The following RNFT2 variants were observed in gnomAD, a reference collection of about 807,000 sequenced individuals.
RNFT2 encodes ring finger protein, transmembrane 2, also known as E3 ubiquitin-protein ligase RNFT2.
A neutral mutation model predicts 53.0 loss-of-function variants in RNFT2; 36 were observed. That is an observed-to-expected ratio of 0.68 (90% CI 0.52 to 0.90). The LOEUF (loss-of-function observed/expected upper bound fraction) is 0.90. Ranked by LOEUF, RNFT2 falls within the 40% of genes least tolerant of loss-of-function variation. RNFT2 has a pLI of 0.00. For missense variants in RNFT2, 514 were observed against 585.6 expected, an observed-to-expected ratio of 0.88 and a Z score of 1.26; for synonymous variants, 260 against 253.2, an observed-to-expected ratio of 1.03 and a Z score of -0.26.
rs1477815246 is a variant in RNFT2 at position 116,834,028 on chromosome 12, T to C, written c.1032+87T>C. ...CAGGGGGCTCCTGGGCAACCTAGAATACCCATGCTGATTTATTTATTTATT... is the reference window on the plus strand; with the variant it reads ...CAGGGGGCTCCTGGGCAACCTAGAACACCCATGCTGATTTATTTATTTATT... On this transcript the variant is annotated intron_variant, in intron 8 of 10. Transcript: ENST00000257575. 3 of 1,173,830 alleles carry C rather than the reference T, an allele frequency of 2.6e-6. No homozygotes were observed. In the African/African-American group the frequency reaches 4.8e-5, roughly 19 times the overall value. The allele number at this position is 1,173,830 out of a possible 1,614,324, so 72.7% of individuals were successfully genotyped here.
intron 6 of RNFT2, among the ~76,000 whole-genome samples, chr12:116,773,756 G>T (rs1403154952): frequency 6.6e-6 from 1 of 152,176 alleles, no homozygotes; most frequent in Non-Finnish European, 1.5e-5. Context: ...GTAAGTCCCA[G>T]ACTTAGAGAT....
At chr12:116,774,272 C>T (rs774946976) in intron 6 of RNFT2, among the ~76,000 whole-genome samples, 2 of 151,964 alleles carry the variant, frequency 1.3e-5, no homozygotes, top group Non-Finnish European at 2.9e-5. Context: ...GAACTGTGCG[C>T]GTAAAAATGG....
Position 116,766,861 on chromosome 12 carries a change from G to A in RNFT2, c.675G>A (p.Ala225=), listed in dbSNP as rs113021396. 0.026 allele frequency: 40,928 copies of A among 1,598,100 alleles called. 638 individuals are homozygous for A. Among genetic ancestry groups the A allele is most frequent in the South Asian group, 0.034 (3,029 of 87,966 alleles). The part of the protein sequence containing the change: ...LVILWILAFL[A]GNTLYVLYTF... ...TCTTGTGGATCCTGGCCTTTCTGGC[G>A]GGGAACACCCTCTATGTGCTTTATA... Residue 225 remains alanine (A), a synonymous_variant, in exon 6 of 11, where the codon GCG becomes GCA. Coordinates refer to ENST00000257575, the MANE Select transcript of RNFT2 (RefSeq NM_001382266.1).
At chr12:116,816,123 C>T (rs1470837814) in intron 7 of RNFT2, among the ~76,000 whole-genome samples, 1 of 152,200 alleles carries the variant, frequency 6.6e-6, no homozygotes, top group East Asian at 1.9e-4. Context: ...AAGAGAACGC[C>T]TTTTCGTAGC....
intron 10 of RNFT2, among the ~76,000 whole-genome samples, chr12:116,841,910 T>C (rs1374370096): frequency 2.9e-4 from 11 of 38,172 alleles, no homozygotes; most frequent in Admixed American, 5.1e-4. Context: ...TATATATAAA[T>C]ATATATATAA....
chr12:116,758,672 G>A (rs1872589312), intron 5 of RNFT2, among the ~76,000 whole-genome samples: 1 of 152,172 alleles, frequency 6.6e-6, no homozygotes, highest in Admixed American at 6.5e-5. Flanking sequence ...TGTTTGAGGA[G>A]GCTGAAGATA....
intron 10 of RNFT2, among the ~76,000 whole-genome samples, chr12:116,847,263 G>C (rs1466424460): frequency 6.6e-6 from 1 of 152,064 alleles, no homozygotes; most frequent in Non-Finnish European, 1.5e-5. Context: ...TACATATTCA[G>C]ATGTCTCCAG....
chr12:116,769,893 G>A (rs1053900589), intron 6 of RNFT2, among the ~76,000 whole-genome samples: 16 of 152,096 alleles, frequency 1.1e-4, no homozygotes, highest in Non-Finnish European at 5.9e-5. Flanking sequence ...AAATTAGCCA[G>A]GTGTGGTGGC....
At chr12:116,804,572 C>G (rs1874956154) in intron 7 of RNFT2, among the ~76,000 whole-genome samples, 1 of 152,188 alleles carries the variant, frequency 6.6e-6, no homozygotes, top group African/African-American at 2.4e-5. Flanking sequence ...ATGATCATCT[C>G]ACTACATATG....
Position 116,766,816 on chromosome 12 carries a change from GAAGAGGTCAGT to G in RNFT2, c.631_641del (p.Lys211AlafsTer44). On this transcript the variant is annotated frameshift_variant, in exon 6 of 11. Coordinates refer to ENST00000257575, the MANE Select transcript of RNFT2 (RefSeq NM_001382266.1). LOFTEE classifies it high-confidence loss of function. ...CATATCTCTTGCTTTGTCTTCAGGA[GAAGAGGTCAGT>G]GCTGGTCATCTTGTGGATCCTGGCC... is the stretch of plus-strand genomic sequence containing the variant. The G allele has an allele frequency of 6.3e-7, 1 of 1,588,924 alleles. No individual in the cohort carries two copies. Among genetic ancestry groups the G allele is most frequent in the Non-Finnish European group, 8.6e-7 (1 of 1,166,568 alleles).
At chr12:116,804,682 C>T (rs1197386345) in intron 7 of RNFT2, among the ~76,000 whole-genome samples, 3 of 152,220 alleles carry the variant, frequency 2.0e-5, no homozygotes, top group Admixed American at 1.3e-4. Flanking sequence ...GGTTCTTTCT[C>T]GAGGCAGGCT....
At chr12:116,812,538 T>A (rs1179358593) in intron 7 of RNFT2, among the ~76,000 whole-genome samples, 2 of 151,764 alleles carry the variant, frequency 1.3e-5, no homozygotes, top group Non-Finnish European at 2.9e-5. Flanking sequence ...TCCTATCTTT[T>A]TTTTTTTTTT....
In RNFT2 at chr12:116,852,088, C is replaced by A. The variant is rs1592998313; in HGVS notation, c.*2640C>A. ...TCTGAAATGTTCCCTGCTCTGAAAT[C>A]TGGCATGAGATGGCACAGGTGACCA... is the stretch of plus-strand genomic sequence containing the variant. On this transcript the variant is annotated 3_prime_UTR_variant, in exon 11 of 11. Coordinates refer to ENST00000257575, the MANE Select transcript of RNFT2 (RefSeq NM_001382266.1). 1 of 1,066,168 alleles carries A rather than the reference C, an allele frequency of 9.4e-7. No homozygotes were observed. Among genetic ancestry groups the A allele is most frequent in the East Asian group, 2.6e-5 (1 of 38,002 alleles). 66.0% of individuals were successfully genotyped at this position (1,066,168 alleles called of 1,614,324 possible).
At chr12:116,742,247 G>A (rs981587372) in intron 3 of RNFT2, among the ~76,000 whole-genome samples, 1 of 151,372 alleles carries the variant, frequency 6.6e-6, no homozygotes, top group Non-Finnish European at 1.5e-5. Context: ...GGTGGGCTCT[G>A]GGGTACCGAG....
At chr12:116,796,378 G>T (rs1874507751) in intron 7 of RNFT2, among the ~76,000 whole-genome samples, 1 of 152,286 alleles carries the variant, frequency 6.6e-6, no homozygotes, top group Middle Eastern at 3.4e-3. Flanking sequence ...TTTCCATGAG[G>T]ACAGGGAGGA....
rs1491208112 is a variant in RNFT2 at position 116,743,245 on chromosome 12, C to CAAAAAAAAAA, written c.83+2151_83+2152insAAAAAAAAAA. On this transcript the variant is annotated intron_variant, in intron 3 of 10. Transcript: ENST00000257575. The stretch of plus-strand genomic sequence containing the variant: ...AAAAAAAAAAAAAAAAAAAAAAAAA[C>CAAAAAAAAAA]CGGTTAAAAAACACTCATGAGCTAG... Among the ~76,000 whole-genome samples, 5 of 27,190 alleles carry CAAAAAAAAAA rather than the reference C, an allele frequency of 1.8e-4. 1 individual carries two copies. Among genetic ancestry groups the CAAAAAAAAAA allele is most frequent in the Non-Finnish European group, 2.6e-4 (4 of 15,162 alleles). The allele number at this position is 27,190 out of a possible 152,430, so 17.8% of individuals were successfully genotyped here.
intron 6 of RNFT2, among the ~76,000 whole-genome samples, chr12:116,774,240 TG>T (rs1438108576): frequency 1.3e-5 from 2 of 152,164 alleles, no homozygotes; most frequent in East Asian, 3.9e-4. Flanking sequence ...TATGCAACAA[TG>T]TGAATGTACT....
At chr12:116,764,567 C>G (rs1171187769) in intron 5 of RNFT2, among the ~76,000 whole-genome samples, 2 of 152,168 alleles carry the variant, frequency 1.3e-5, no homozygotes, top group Non-Finnish European at 2.9e-5. Context: ...GTCTCATCTT[C>G]TTTATGCAAA....
rs1442582656 is a variant in RNFT2 at position 116,836,174 on chromosome 12, C to G, written c.1099-7C>G. 6 of 1,593,794 alleles carry G rather than the reference C, an allele frequency of 3.8e-6. No homozygotes were observed. Among genetic ancestry groups the G allele is most frequent in the East Asian group, 2.3e-5 (1 of 43,948 alleles). ...ATAGCTGTATTTGCTTCTCCCCTCC[C>G]TCAAAGAACTATGGAGTCCGAGCCA... On this transcript the variant is annotated splice_polypyrimidine_tract_variant and splice_region_variant and intron_variant, in intron 9 of 10. Transcript: ENST00000257575.
Sources: allele counts gnomAD v4.1 joint callset (sites outside exome capture counted in the v4.1 genomes callset), GRCh38; gene constraint gnomAD v4.1.1; transcripts MANE v1.5; gene names NCBI Gene and HGNC (gene_info 2026-07-23, HGNC 2026-07-21).